COL6A5: variants seen among roughly 807,000 people sequenced by gnomAD.
The protein encoded by COL6A5 is collagen type VI alpha 5 chain.
Under a neutral mutation model 65.6 loss-of-function variants are expected in COL6A5, and 48 were observed. That is an observed-to-expected ratio of 0.73 (90% confidence interval 0.58 to 0.93). COL6A5 has a LOEUF of 0.93. COL6A5 is among the 40% of genes least tolerant of loss of function. The probability of loss-of-function intolerance (pLI) is 0.00; values close to 1 mark genes in which losing one functional copy is unlikely to be tolerated. For missense variants in COL6A5, 914 were observed against 928.3 expected, an observed-to-expected ratio of 0.98 and a Z score of 0.20; for synonymous variants, 291 against 322.8, an observed-to-expected ratio of 0.90 and a Z score of 1.05.
chr3:130,363,458 C>T (rs1577429438), intron 1 of COL6A5, among the ~76,000 whole-genome samples: 2 of 152,156 alleles, frequency 1.3e-5, no homozygotes, highest in African/African-American at 2.4e-5. Context: ...CTCTCATCCT[C>T]TCTTCCACCA....
At chr3:130,456,286 C>T (rs1192072952) in intron 5 of COL6A5, among the ~76,000 whole-genome samples, 4 of 151,766 alleles carry the variant, frequency 2.6e-5, no homozygotes, top group African/African-American at 9.7e-5. Context: ...TCAAACAAAT[C>T]AGATACAAAG....
upstream of COL6A5, among the ~76,000 whole-genome samples, chr3:130,427,823 T>C (rs1228200990): frequency 6.6e-6 from 1 of 151,622 alleles, no homozygotes; most frequent in Non-Finnish European, 1.5e-5. Flanking sequence ...TCCTGCCAAA[T>C]GTGGGCAGCT....
At chr3:130,357,384 C>T (rs764844154) in intron 1 of COL6A5, among the ~76,000 whole-genome samples, 71 of 152,166 alleles carry the variant, frequency 4.7e-4, no homozygotes, top group Non-Finnish European at 2.4e-4. Flanking sequence ...TTTCAAAACT[C>T]CCAATAACTG....
At chr3:130,369,668 C>T (rs148160619) in intron 1 of COL6A5, among the ~76,000 whole-genome samples, 185 of 152,272 alleles carry the variant, frequency 1.2e-3, no homozygotes, top group African/African-American at 4.1e-3. Context: ...GGAATGCAAT[C>T]AAAAGAAGGG....
exon 8 of COL6A5, chr3:130,394,939 C>T (rs377143307): frequency 2.6e-6 from 4 of 1,551,540 alleles, no homozygotes; most frequent in African/African-American, 1.4e-5. Context: ...ATGGCTCTGA[C>T]AGGGTATCTA....
At chr3:130,410,937 G>A (rs956080022) in intron 20 of COL6A5, among the ~76,000 whole-genome samples, 5 of 152,152 alleles carry the variant, frequency 3.3e-5, no homozygotes, top group African/African-American at 1.2e-4. Context: ...TCTTTGAAGA[G>A]AGCCAATGAT....
At chr3:130,443,772 G>A (rs1168021001) in intron 4 of COL6A5, among the ~76,000 whole-genome samples, 1 of 151,978 alleles carries the variant, frequency 6.6e-6, no homozygotes, top group Non-Finnish European at 1.5e-5. Context: ...TTACAATTTT[G>A]CCTTTAAATT....
At chr3:130,431,161 A>G, upstream of COL6A5, 1 of 662,964 alleles carries the variant, frequency 1.5e-6, no homozygotes, top group Non-Finnish European at 2.8e-6. Context: ...CAGTCAGGAC[A>G]CAGAAGAGTT....
chr3:130,356,360 T>G (rs1197211505), intron 1 of COL6A5, among the ~76,000 whole-genome samples: 1 of 152,124 alleles, frequency 6.6e-6, no homozygotes, highest in Non-Finnish European at 1.5e-5. Context: ...CCTTGAGAGT[T>G]AAGATAGGCA....
chr3:130,376,867 G>T, intron 3 of COL6A5, 31 bp downstream of exon 3: 1 of 1,570,974 alleles, frequency 6.4e-7, no homozygotes, highest in Non-Finnish European at 8.6e-7. Flanking sequence ...AGAGGTGCCT[G>T]ATCCCCAGGT....
At chr3:130,477,080 G>T (rs1577547789) in intron 7 of COL6A5, 3 of 1,518,084 alleles carry the variant, frequency 2.0e-6, no homozygotes, top group Non-Finnish European at 2.7e-6. Flanking sequence ...TCTTACCTAA[G>T]AATTCAGTAA....
chr3:130,391,662 A>G, exon 7 of COL6A5: 7 of 1,551,690 alleles, frequency 4.5e-6, no homozygotes, highest in Non-Finnish European at 6.1e-6. Flanking sequence ...ATGGCAGGGA[A>G]TAAAAACAAT....
At chr3:130,450,944 C>T (rs373789031) in intron 4 of COL6A5, among the ~76,000 whole-genome samples, 4 of 152,064 alleles carry the variant, frequency 2.6e-5, no homozygotes, top group African/African-American at 7.2e-5. Flanking sequence ...AGCCTGCAAA[C>T]GGGCCTCCTC....
chr3:130,369,227 G>T (rs1348563900), intron 1 of COL6A5, among the ~76,000 whole-genome samples: 1 of 152,150 alleles, frequency 6.6e-6, no homozygotes, highest in Non-Finnish European at 1.5e-5. Flanking sequence ...TCCTTTGACT[G>T]CAAAAGGAGA....
chr3:130,440,394 C>T (rs867615988), exon 3 of COL6A5: 15 of 1,613,484 alleles, frequency 9.3e-6, no homozygotes, highest in Non-Finnish European at 1.3e-5. Context: ...TGGGAAAGTT[C>T]CAGGAGAAAG....
chr3:130,453,741 T>G (rs1375759076), intron 4 of COL6A5, among the ~76,000 whole-genome samples: 1 of 152,114 alleles, frequency 6.6e-6, no homozygotes, highest in African/African-American at 2.4e-5. Context: ...AAGCCCAGGT[T>G]TAGGCCCATA....
At chr3:130,385,095 T>G in exon 5 of COL6A5, 1 of 1,550,904 alleles carries the variant, frequency 6.4e-7, no homozygotes, top group Non-Finnish European at 8.7e-7. Flanking sequence ...ATACTGCAAA[T>G]AATAAAAAAT....
At chr3:130,407,680 A>G (rs1423283950) in intron 17 of COL6A5, among the ~76,000 whole-genome samples, 1 of 152,218 alleles carries the variant, frequency 6.6e-6, no homozygotes, top group African/African-American at 2.4e-5. Flanking sequence ...TGCCTCTCTC[A>G]TCTCACACTA....
At chr3:130,363,270 A>T (rs1414778310) in intron 1 of COL6A5, among the ~76,000 whole-genome samples, 1 of 152,236 alleles carries the variant, frequency 6.6e-6, no homozygotes, top group African/African-American at 2.4e-5. Context: ...AGTGCAAATA[A>T]CTTATAATAA....
Sources: gnomAD v4.1 joint callset for allele counts (sites outside exome capture counted in the v4.1 genomes callset) on GRCh38, gnomAD v4.1.1 for gene constraint, MANE v1.5 for transcripts, NCBI Gene and HGNC (gene_info 2026-07-23, HGNC 2026-07-21) for gene names.